Variants in MAML2 observed in about 807,000 individuals in gnomAD.
MAML2 encodes mastermind-like protein 2.
Under a neutral mutation model 96.1 loss-of-function variants are expected in MAML2, and 22 were observed. That is an observed-to-expected ratio of 0.23 (90% CI 0.16 to 0.33). The LOEUF is 0.33. MAML2 is among the 10% of genes least tolerant of loss of function. The pLI is 1.00. For missense variants in MAML2, 1,367 were observed against 1,392.4 expected (o/e 0.98, Z 0.29); for synonymous variants, 561 against 521.3 (o/e 1.08, Z -1.04).
intron 1 of MAML2, among the ~76,000 whole-genome samples, chr11:96,160,206 C>T (rs908529148): frequency 2.6e-5 from 4 of 152,194 alleles, no homozygotes; most frequent in Non-Finnish European, 5.9e-5. Flanking sequence ...GAGTTATTTA[C>T]ATCAAGGCAC....
intron 2 of MAML2, among the ~76,000 whole-genome samples, chr11:96,018,373 T>C (rs1247371693): frequency 6.6e-6 from 1 of 152,066 alleles, no homozygotes; most frequent in Non-Finnish European, 1.5e-5. Context: ...AAATAGAAAT[T>C]TAGGAGTTGT....
intron 1 of MAML2, among the ~76,000 whole-genome samples, chr11:96,231,980 T>C (rs1431419071): frequency 6.6e-6 from 1 of 152,212 alleles, no homozygotes; most frequent in African/African-American, 2.4e-5. Context: ...GACGTAGGTG[T>C]CTAGTTATGC....
At chr11:96,022,197 C>T (rs962672908) in intron 2 of MAML2, among the ~76,000 whole-genome samples, 1 of 152,188 alleles carries the variant, frequency 6.6e-6, no homozygotes, top group African/African-American at 2.4e-5. Context: ...TCATTTTGCT[C>T]ATAACAGTAT....
At chr11:96,046,069 G>A (rs750947967) in intron 2 of MAML2, among the ~76,000 whole-genome samples, 22 of 152,272 alleles carry the variant, frequency 1.4e-4, no homozygotes, top group Middle Eastern at 6.8e-3. Context: ...CTCCTGCCAT[G>A]CCAGCAGGCA....
At chr11:96,324,745 C>A (rs1863751431) in intron 1 of MAML2, among the ~76,000 whole-genome samples, 1 of 152,180 alleles carries the variant, frequency 6.6e-6, no homozygotes, top group African/African-American at 2.4e-5. Flanking sequence ...AGCTTCAGGT[C>A]TCTCCCTAAA....
chr11:95,985,185 T>C (rs145818733), intron 4 of MAML2, among the ~76,000 whole-genome samples: 2 of 152,306 alleles, frequency 1.3e-5, no homozygotes, highest in Non-Finnish European at 2.9e-5. Context: ...AAGTTACACA[T>C]GTGCCTGTCT....
intron 2 of MAML2, among the ~76,000 whole-genome samples, chr11:96,008,023 TAA>T (rs369841167): frequency 1.8e-3 from 147 of 83,594 alleles, no homozygotes; most frequent in African/African-American, 6.8e-3. Flanking sequence ...ACTTAAAGTA[TAA>T]AAAAAAAAAA....
chr11:96,040,698 C>T (rs953594404), intron 2 of MAML2, among the ~76,000 whole-genome samples: 1 of 152,046 alleles, frequency 6.6e-6, no homozygotes, highest in Non-Finnish European at 1.5e-5. Context: ...ACCCAGGAGG[C>T]GGGGGTTGCA....
chr11:96,292,102 T>C (rs1219708029), intron 1 of MAML2, among the ~76,000 whole-genome samples: 1 of 152,218 alleles, frequency 6.6e-6, no homozygotes, highest in Non-Finnish European at 1.5e-5. Context: ...CATACACCAT[T>C]TTACCTTGTA....
chr11:96,238,110 C>G (rs1862389170), intron 1 of MAML2, among the ~76,000 whole-genome samples: 1 of 152,152 alleles, frequency 6.6e-6, no homozygotes, highest in African/African-American at 2.4e-5. Context: ...ACCTGAAATA[C>G]CCAGCTCTCA....
At chr11:96,192,160 G>A (rs1469250973) in intron 1 of MAML2, among the ~76,000 whole-genome samples, 3 of 152,228 alleles carry the variant, frequency 2.0e-5, no homozygotes, top group Non-Finnish European at 4.4e-5. Context: ...CAAAGCCGAG[G>A]GTCGAGGCTG....
intron 1 of MAML2, among the ~76,000 whole-genome samples, chr11:96,170,121 CTGG>C (rs1358575764): frequency 2.6e-5 from 4 of 152,224 alleles, no homozygotes; most frequent in Non-Finnish European, 4.4e-5. Flanking sequence ...TCCCTTTCCA[CTGG>C]TTCAGGGCAC....
At chr11:95,993,183 T>C (rs531071392) in intron 2 of MAML2, among the ~76,000 whole-genome samples, 244 of 149,610 alleles carry the variant, frequency 1.6e-3, no homozygotes, top group Non-Finnish European at 3.0e-3. Context: ...GTGCTGGTAT[T>C]ACAGGCATGA....
At chr11:96,291,612 A>C (rs1418056064) in intron 1 of MAML2, among the ~76,000 whole-genome samples, 1 of 152,126 alleles carries the variant, frequency 6.6e-6, no homozygotes, top group Admixed American at 6.5e-5. Flanking sequence ...GTATTATTTT[A>C]CAGAAGCCTC....
At chr11:96,195,096 C>T (rs1438254471) in intron 1 of MAML2, among the ~76,000 whole-genome samples, 1 of 152,212 alleles carries the variant, frequency 6.6e-6, no homozygotes, top group Non-Finnish European at 1.5e-5. Flanking sequence ...AGTCTTTCTA[C>T]TTCACATTTT....
intron 1 of MAML2, among the ~76,000 whole-genome samples, chr11:96,160,815 T>G (rs747045078): frequency 5.9e-5 from 9 of 152,252 alleles, no homozygotes; most frequent in Non-Finnish European, 1.2e-4. Context: ...ATAGAATCTA[T>G]GTAGCCCTGT....
chr11:96,342,173 A>T lies in MAML2; in HGVS notation c.-278T>A. On this transcript the variant is annotated 5_prime_UTR_variant, in exon 1 of 5. Transcript: ENST00000524717. ...CTAATTGCATTTGACAGCTCTGGAG[A>T]AGTTGGACAGAGTTGGTGGATTTTT... is the stretch of plus-strand genomic sequence containing the variant. The T allele has an allele frequency of 4.2e-6, 2 of 479,808 alleles. No homozygotes were observed. Among genetic ancestry groups the T allele is most frequent in the Non-Finnish European group, 7.3e-6 (2 of 272,704 alleles). The allele number at this position is 479,808 out of a possible 1,614,324, so 29.7% of individuals were successfully genotyped here.
intron 2 of MAML2, among the ~76,000 whole-genome samples, chr11:96,034,432 T>TGA (rs371921984): frequency 7.0e-4 from 95 of 135,718 alleles, no homozygotes; most frequent in Admixed American, 1.2e-3. Context: ...TGTGTGTGTG[T>TGA]GAGAGAGAGA....
chr11:96,039,857 C>CTGAGGCAGGAGAA (rs1329169482), intron 2 of MAML2, among the ~76,000 whole-genome samples: 1 of 150,776 alleles, frequency 6.6e-6, no homozygotes, highest in Non-Finnish European at 1.5e-5. Flanking sequence ...ACTCAGGAGG[C>CTGAGGCAGGAGAA]TGAGGCAGGA....
Sources: gnomAD v4.1 joint callset for allele counts (sites outside exome capture counted in the v4.1 genomes callset) on GRCh38, gnomAD v4.1.1 for gene constraint, MANE v1.5 for transcripts, NCBI Gene and HGNC (gene_info 2026-07-23, HGNC 2026-07-21) for gene names.